COG3: variants seen among roughly 807,000 people sequenced by gnomAD.
COG3 encodes conserved oligomeric Golgi complex subunit 3.
A neutral mutation model predicts 114.1 loss-of-function variants in COG3; 32 were observed. That is an observed-to-expected ratio of 0.28 (90% confidence interval 0.21 to 0.38). COG3 has a LOEUF of 0.38. COG3 is among the 10% of genes least tolerant of loss of function. The pLI, the probability that COG3 is intolerant of heterozygous loss-of-function variation, is 1.00. For synonymous variants in COG3, 352 were observed against 365.7 expected (o/e 0.96, Z 0.43); for missense variants, 813 against 973.2 (o/e 0.84, Z 2.19).
At chr13:45,473,575 C>T (rs1038002850) in intron 1 of COG3, among the ~76,000 whole-genome samples, 1 of 152,092 alleles carries the variant, frequency 6.6e-6, no homozygotes, top group Non-Finnish European at 1.5e-5. Flanking sequence ...GACGGCTTTA[C>T]AAGAAGTTGA....
intron 14 of COG3, among the ~76,000 whole-genome samples, chr13:45,504,661 A>C (rs974916728): frequency 6.6e-6 from 1 of 152,140 alleles, no homozygotes; most frequent in African/African-American, 2.4e-5. Flanking sequence ...AGAAGTTTGA[A>C]TCAGTAGAAT....
intron 7 of COG3, among the ~76,000 whole-genome samples, chr13:45,485,017 GCAAC>G (rs1304038108): frequency 1.3e-4 from 18 of 138,830 alleles, no homozygotes; most frequent in Non-Finnish European, 2.5e-4. Flanking sequence ...CACAGACACG[GCAAC>G]CATCCGATCT....
intron 14 of COG3, among the ~76,000 whole-genome samples, chr13:45,508,385 T>C (rs1870446728): frequency 1.3e-5 from 1 of 76,796 alleles, no homozygotes; most frequent in Non-Finnish European, 2.5e-5. Flanking sequence ...TATATATATT[T>C]TTATATATAT....
At chr13:45,530,192 TG>T in intron 21 of COG3, among the ~76,000 whole-genome samples, 1 of 152,318 alleles carries the variant, frequency 6.6e-6, no homozygotes, top group Admixed American at 6.5e-5. Context: ...TTACATTGCA[TG>T]TGGCCCAGCT....
chr13:45,502,751 T>C (rs1364663388), intron 13 of COG3, among the ~76,000 whole-genome samples: 1 of 152,146 alleles, frequency 6.6e-6, no homozygotes, highest in African/African-American at 2.4e-5. Context: ...CTGTACCCAA[T>C]ATGGAGTCTT....
chr13:45,533,570 C>T (rs1027126591), intron 22 of COG3, among the ~76,000 whole-genome samples: 7 of 152,104 alleles, frequency 4.6e-5, no homozygotes, highest in Non-Finnish European at 7.3e-5. Flanking sequence ...TGTATAGTTA[C>T]CAAAACAGGA....
At chr13:45,512,171 T>C (rs2985972) in intron 16 of COG3, among the ~76,000 whole-genome samples, 109,927 of 152,048 alleles carry the variant, frequency 0.72, 41,274 homozygotes, top group Admixed American at 0.82. Context: ...GAAAGCATTT[T>C]CAAGGAAACA....
At chr13:45,521,342 C>G (rs1278553669) in intron 19 of COG3, among the ~76,000 whole-genome samples, 1 of 152,196 alleles carries the variant, frequency 6.6e-6, no homozygotes, top group African/African-American at 2.4e-5. Context: ...CTCTCATCCC[C>G]ATTAGAAGCC....
chr13:45,477,018 A>T (rs1411037732), intron 2 of COG3, among the ~76,000 whole-genome samples: 2 of 152,244 alleles, frequency 1.3e-5, no homozygotes, highest in Non-Finnish European at 2.9e-5. Context: ...CCTGAAAGTC[A>T]GCTCCATCAT....
intron 1 of COG3, among the ~76,000 whole-genome samples, chr13:45,468,127 A>G (rs751805414): frequency 6.6e-6 from 1 of 152,232 alleles, no homozygotes; most frequent in Non-Finnish European, 1.5e-5. Flanking sequence ...AATTCTTGAT[A>G]AAGTGCTAAA....
chr13:45,465,071 C>G lies in COG3; in HGVS notation c.35C>G (p.Ala12Gly). 6.3e-7 allele frequency: 1 copy of G among 1,598,256 alleles called. No individual in the cohort carries two copies. Among genetic ancestry groups the G allele is most frequent in the Non-Finnish European group, 8.5e-7 (1 of 1,173,748 alleles). ...AEAALLLLPE[A>G]AAERDAREKL... Reference sequence around the variant, plus strand: ...GCGGCGCTGTTGCTGCTGCCTGAGGCGGCGGCGGAGCGGGACGCTAGGGAA... The same window carrying G: ...GCGGCGCTGTTGCTGCTGCCTGAGGGGGCGGCGGAGCGGGACGCTAGGGAA... The change falls in exon 1 of 23, where the codon GCG (alanine) becomes GGG (glycine). Residue 12 changes from alanine to glycine, a missense_variant. Transcript: ENST00000349995.
At chr13:45,484,466 TA>T (rs1886441568) in intron 7 of COG3, among the ~76,000 whole-genome samples, 1 of 152,202 alleles carries the variant, frequency 6.6e-6, no homozygotes, top group Non-Finnish European at 1.5e-5. Flanking sequence ...TTAAATAATG[TA>T]AGGTTAATTT....
At chr13:45,491,261 C>T in intron 9 of COG3, 151 bp from the exon 10 acceptor site, 1 of 693,172 alleles carries the variant, frequency 1.4e-6, no homozygotes, top group Non-Finnish European at 2.3e-6. Context: ...TGTTTTGTGT[C>T]TGTATTTCTA....
In COG3 at chr13:45,521,802, C is replaced by CT. The variant is rs59075597; in HGVS notation, c.2154+2728dup. 3.3e-3 allele frequency among the ~76,000 whole-genome samples: 367 copies of CT among 111,362 alleles called. 2 individuals are homozygous for CT. The highest frequency in any genetic ancestry group is 7.7e-3 in the African/African-American group (236 of 30,458). The allele number at this position is 111,362 out of a possible 152,430, so 73.1% of individuals were successfully genotyped here. ...TCTCATGCCTCTTTTATTTAGTTAGCTTTTTTTTTTTTTTTTTTTTGAGAC... is the reference window on the plus strand; with the variant it reads ...TCTCATGCCTCTTTTATTTAGTTAGCTTTTTTTTTTTTTTTTTTTTTGAGAC... On this transcript the variant is annotated intron_variant, in intron 19 of 22. Transcript: ENST00000349995.
intron 19 of COG3, among the ~76,000 whole-genome samples, chr13:45,519,951 G>A (rs1166358687): frequency 2.0e-5 from 3 of 152,116 alleles, no homozygotes; most frequent in African/African-American, 7.2e-5. Context: ...AAAAATCTAA[G>A]TGTCATTACT....
Position 45,493,406 on chromosome 13 carries a change from A to G in COG3, c.1247A>G (p.His416Arg), listed in dbSNP as rs370244640. 3.1e-6 allele frequency: 5 copies of G among 1,613,244 alleles called. No homozygotes were observed. The Admixed American group carries it at 5.0e-5, about 16-fold the overall frequency. Residue 416 changes from histidine to arginine, a missense_variant, in exon 12 of 23, where the codon CAT becomes CGT. This residue lies in a region of COG3 where 389 missense variants were observed against 542.6 expected (regional missense o/e 0.72). Coordinates refer to ENST00000349995, the MANE Select transcript of COG3 (RefSeq NM_031431.4). The stretch of plus-strand genomic sequence containing the variant: ...GATGTCTTCAGGCCATTGATCATTC[A>G]TGTTATTCACTTAGAGACTCTGTCG... ...LYDVFRPLII[H>R]VIHLETLSEL... is the part of the protein sequence containing the mutation.
At chr13:45,492,713 AC>A (rs1887090382) in intron 11 of COG3, among the ~76,000 whole-genome samples, 2 of 152,184 alleles carry the variant, frequency 1.3e-5, no homozygotes. Context: ...TTTGACTCTT[AC>A]AAACATTCCA....
At chr13:45,524,844 A>G (rs1566272513) in intron 19 of COG3, 132 bp from the exon 20 acceptor site, 2 of 554,376 alleles carry the variant, frequency 3.6e-6, no homozygotes, top group East Asian at 5.8e-5. Context: ...TGCACATTTG[A>G]TTATCATTGT....
At chr13:45,471,421 A>G (rs1885475264) in intron 1 of COG3, among the ~76,000 whole-genome samples, 1 of 152,134 alleles carries the variant, frequency 6.6e-6, no homozygotes, top group African/African-American at 2.4e-5. Flanking sequence ...CCTGTCTCAA[A>G]AAAACACCCA....
Sources: allele counts gnomAD v4.1 joint callset (sites outside exome capture counted in the v4.1 genomes callset), GRCh38; gene constraint gnomAD v4.1.1; regional missense constraint gnomAD v4.1.1; transcripts MANE v1.5; gene names NCBI Gene and HGNC (gene_info 2026-07-23, HGNC 2026-07-21).